FOXP1: variants seen among roughly 807,000 people sequenced by gnomAD.
FOXP1 encodes forkhead box P1, also known as forkhead box protein P1.
A neutral mutation model predicts 98.2 loss-of-function variants in FOXP1; 15 were observed. The ratio of observed to expected loss-of-function variants is 0.15; its 90% CI spans 0.10 to 0.24. FOXP1 has a LOEUF of 0.24. Among genes scored for constraint, FOXP1 ranks in the 10% least tolerant of loss-of-function variants. The pLI is 1.00. For synonymous variants in FOXP1, 371 were observed against 314.5 expected (o/e 1.18, Z -1.90); for missense variants, 633 against 848.5 (o/e 0.75, Z 3.15).
chr3:71,560,417 G>A (rs2046448335), intron 2 of FOXP1, among the ~76,000 whole-genome samples: 1 of 152,162 alleles, frequency 6.6e-6, no homozygotes, highest in African/African-American at 2.4e-5. Flanking sequence ...AAAGTAGTGA[G>A]GATGTGGAGA....
At chr3:71,091,142 T>C (rs1311780876) in intron 7 of FOXP1, among the ~76,000 whole-genome samples, 1 of 151,864 alleles carries the variant, frequency 6.6e-6, no homozygotes, top group Admixed American at 6.6e-5. Flanking sequence ...TATTCTTAAA[T>C]TAATCCTCTG....
At chr3:71,084,052 C>T (rs1280834620) in intron 7 of FOXP1, among the ~76,000 whole-genome samples, 6 of 152,108 alleles carry the variant, frequency 3.9e-5, no homozygotes, top group Non-Finnish European at 8.8e-5. Context: ...AGGGATTCCC[C>T]AAGTCAACCC....
intron 6 of FOXP1, among the ~76,000 whole-genome samples, chr3:71,189,256 C>G (rs1006823012): frequency 6.6e-6 from 1 of 152,158 alleles, no homozygotes; most frequent in African/African-American, 2.4e-5. Context: ...GGAACAAAGA[C>G]TTTATCAAAG....
intron 2 of FOXP1, among the ~76,000 whole-genome samples, chr3:71,496,198 C>G (rs538617585): frequency 3.3e-5 from 5 of 152,320 alleles, no homozygotes; most frequent in African/African-American, 9.6e-5. Flanking sequence ...AGGTCATGCA[C>G]TGTCTCCAGT....
chr3:71,396,993 TAC>T (rs1326408486), intron 3 of FOXP1, among the ~76,000 whole-genome samples: 879 of 52,488 alleles, frequency 0.017, 226 homozygotes, highest in Non-Finnish European at 0.026. Context: ...TGTATATATA[TAC>T]ACATATATAT....
intron 6 of FOXP1, among the ~76,000 whole-genome samples, chr3:71,182,080 G>A (rs540847728): frequency 1.3e-5 from 2 of 151,684 alleles, no homozygotes; most frequent in African/African-American, 2.4e-5. Context: ...AAACAAATGT[G>A]GTTTTTTAAA....
chr3:71,239,213 A>C (rs1315081335), intron 5 of FOXP1, among the ~76,000 whole-genome samples: 1 of 152,110 alleles, frequency 6.6e-6, no homozygotes, highest in East Asian at 1.9e-4. Flanking sequence ...ATATAAAATC[A>C]TTTCTCCTCT....
chr3:71,029,663 T>C (rs1162602463), intron 11 of FOXP1, among the ~76,000 whole-genome samples: 2 of 152,212 alleles, frequency 1.3e-5, no homozygotes, highest in African/African-American at 4.8e-5. Flanking sequence ...AGTGCTGGGA[T>C]TGTAGGCATC....
At chr3:71,032,757 C>T (rs1486771336) in intron 11 of FOXP1, among the ~76,000 whole-genome samples, 5 of 152,174 alleles carry the variant, frequency 3.3e-5, no homozygotes, top group African/African-American at 9.7e-5. Flanking sequence ...ACATGACATC[C>T]GCTTAAGTCT....
rs549549630 is a variant in FOXP1, at chr3:71,353,454, G to A, written c.-73+5696C>T. On this transcript the variant is annotated intron_variant, in intron 4 of 20. Transcript: ENST00000649528. ...AATCTGGGTGTTAGCCACTCTGAGGGTTATCATGAGTCTAACCAATGTTTT... is the reference window on the plus strand; with the variant it reads ...AATCTGGGTGTTAGCCACTCTGAGGATTATCATGAGTCTAACCAATGTTTT... Among the ~76,000 whole-genome samples the A allele has an allele frequency of 5.9e-5, 9 of 152,184 alleles. No individual in the cohort carries two copies. In the East Asian group the frequency reaches 1.7e-3, roughly 29 times the overall value.
At chr3:71,050,027 C>CCA (rs2049628672) in intron 9 of FOXP1, among the ~76,000 whole-genome samples, 1 of 152,156 alleles carries the variant, frequency 6.6e-6, no homozygotes, top group Non-Finnish European at 1.5e-5. Flanking sequence ...AAAGCATGGA[C>CCA]CACAGCAAAC....
intron 3 of FOXP1, among the ~76,000 whole-genome samples, chr3:71,423,015 T>G (rs2083787346): frequency 6.6e-6 from 1 of 152,152 alleles, no homozygotes; most frequent in Non-Finnish European, 1.5e-5. Context: ...AGGAAAGAGC[T>G]GCCTGAAGCC....
chr3:71,307,448 G>A (rs1448515077), intron 4 of FOXP1, among the ~76,000 whole-genome samples: 1 of 152,104 alleles, frequency 6.6e-6, no homozygotes, highest in Non-Finnish European at 1.5e-5. Context: ...ATAACATGGA[G>A]AAAAGGCAAA....
chr3:70,982,042 G>T (rs1296778598), intron 14 of FOXP1, among the ~76,000 whole-genome samples: 2 of 152,126 alleles, frequency 1.3e-5, no homozygotes, highest in East Asian at 1.9e-4. Flanking sequence ...ATGCTTGTCT[G>T]GAGGAGAAAC....
chr3:71,362,450 C>T (rs966810643), intron 3 of FOXP1, among the ~76,000 whole-genome samples: 6 of 152,118 alleles, frequency 3.9e-5, no homozygotes, highest in African/African-American at 4.8e-5. Context: ...GGATTATAGG[C>T]GTGAGCCACC....
intron 3 of FOXP1, among the ~76,000 whole-genome samples, chr3:71,456,623 C>T (rs1377236824): frequency 6.6e-6 from 1 of 152,152 alleles, no homozygotes; most frequent in Non-Finnish European, 1.5e-5. Context: ...TTCAACATCA[C>T]TTTCTTGTCT....
rs1256853054 is a variant in FOXP1 at position 70,954,888 on chromosome 3, AC to A, written c.*4358del. 4.3e-6 allele frequency: 1 copy of A among 232,842 alleles called. No homozygotes were observed. The highest frequency in any genetic ancestry group is 8.5e-6 in the Non-Finnish European group (1 of 117,878). 14.4% of individuals were successfully genotyped at this position (232,842 alleles called of 1,614,324 possible). A position where few individuals can be genotyped will look rare whatever the true frequency, so the allele number is the denominator to read the frequency against. On this transcript the variant is annotated 3_prime_UTR_variant, in exon 21 of 21. Transcript: ENST00000649528. ...TTATGCCTTATCAAAACAAAACAAAACAAAACAAAAAAATTCTTGTTACTGG... is the reference window on the plus strand; with the variant it reads ...TTATGCCTTATCAAAACAAAACAAAAAAAACAAAAAAATTCTTGTTACTGG...
chr3:71,279,622 A>G (rs746892651), intron 5 of FOXP1, among the ~76,000 whole-genome samples: 3 of 152,250 alleles, frequency 2.0e-5, no homozygotes, highest in Non-Finnish European at 4.4e-5. Flanking sequence ...AGCTTTTTGT[A>G]TACAATCTCG....
At chr3:71,314,530 AAT>A (rs59655430) in intron 4 of FOXP1, among the ~76,000 whole-genome samples, 81 of 143,256 alleles carry the variant, frequency 5.7e-4, no homozygotes, top group Admixed American at 8.3e-4. Flanking sequence ...CCGTCTAAAA[AAT>A]ATATATATAT....
Sources: gnomAD v4.1 joint callset for allele counts (sites outside exome capture counted in the v4.1 genomes callset) on GRCh38, gnomAD v4.1.1 for gene constraint, MANE v1.5 for transcripts, NCBI Gene and HGNC (gene_info 2026-07-23, HGNC 2026-07-21) for gene names.